FIG4: variants seen among roughly 807,000 people sequenced by gnomAD.
The protein encoded by FIG4 is polyphosphoinositide phosphatase.
A neutral mutation model predicts 118.6 loss-of-function variants in FIG4; 112 were observed. The ratio of observed to expected loss-of-function variants is 0.94; its 90% CI spans 0.81 to 1.11. The LOEUF (loss-of-function observed/expected upper bound fraction) is 1.11, where lower values mean the gene tolerates loss of function less well. Among genes scored for constraint, FIG4 ranks in the 50% least tolerant of loss-of-function variants. FIG4 has a pLI of 0.00. For missense variants in FIG4, 969 were observed against 1,111.7 expected (o/e 0.87, Z 1.83); for synonymous variants, 369 against 381.2 (o/e 0.97, Z 0.37).
chr6:109,705,641 C>T (rs902744260), intron 1 of FIG4, among the ~76,000 whole-genome samples: 2 of 152,082 alleles, frequency 1.3e-5, no homozygotes, highest in Non-Finnish European at 2.9e-5. Context: ...GTATGTGTTT[C>T]GAAGTCCAAT....
At chr6:109,738,494 C>T (rs1463093471) in intron 7 of FIG4, 41 bp downstream of exon 7, 1 of 1,555,048 alleles carries the variant, frequency 6.4e-7, no homozygotes, top group Non-Finnish European at 8.9e-7. Flanking sequence ...TATTACTAAA[C>T]TTATGATGTA....
At chr6:109,745,870 T>C (rs544509524) in intron 10 of FIG4, among the ~76,000 whole-genome samples, 5 of 152,230 alleles carry the variant, frequency 3.3e-5, no homozygotes, top group Admixed American at 2.0e-4. Flanking sequence ...CAAGCTATCA[T>C]TGACTTTCTT....
intron 12 of FIG4, among the ~76,000 whole-genome samples, chr6:109,763,450 ATAAG>A (rs1378593030): frequency 6.6e-6 from 1 of 152,264 alleles, no homozygotes; most frequent in Non-Finnish European, 1.5e-5. Flanking sequence ...CATGGAGAAA[ATAAG>A]TAGTCTCTAA....
In FIG4 at chr6:109,792,613, G is replaced by A. The variant is rs1464723987; in HGVS notation, c.2408G>A (p.Gly803Glu). Residue 803 changes from glycine (G) to glutamate (E), a missense_variant, in exon 21 of 23, where the codon GGA becomes GAA. Physicochemically the swap from Gly to Glu is moderately conservative, Grantham distance 98 (BLOSUM62 -2). This residue lies in a region of FIG4 where 330 missense variants were observed against 348.1 expected (regional missense o/e 0.95). Coordinates refer to ENST00000230124, the MANE Select transcript of FIG4 (RefSeq NM_014845.6). ...GTCCAACCCATGAAGGAGCTATATG[G>A]AATTAACCTCTCAGATGGCCTCTCA... ...NVVQPMKELY[G>E]INLSDGLSEE... 3 of 1,604,954 alleles carry A rather than the reference G, an allele frequency of 1.9e-6. No individual in the cohort carries two copies. Among genetic ancestry groups the A allele is most frequent in the African/African-American group, 1.3e-5 (1 of 74,426 alleles).
chr6:109,754,408 G>A (rs1427684955), intron 10 of FIG4, among the ~76,000 whole-genome samples: 5 of 152,120 alleles, frequency 3.3e-5, no homozygotes, highest in Non-Finnish European at 7.4e-5. Context: ...TCTCTTTTTT[G>A]GTTGTGTCTC....
At chr6:109,771,126 A>G (rs1777445678) in intron 15 of FIG4, among the ~76,000 whole-genome samples, 1 of 152,230 alleles carries the variant, frequency 6.6e-6, no homozygotes, top group Non-Finnish European at 1.5e-5. Flanking sequence ...CAGAAATAAA[A>G]CAGTTGGAAA....
intron 22 of FIG4, among the ~76,000 whole-genome samples, chr6:109,808,350 C>CAAAAAAAAAAAAAAAAA (rs55948419): frequency 3.0e-5 from 2 of 67,046 alleles, no homozygotes; most frequent in South Asian, 7.4e-4. Context: ...ACACTCACAG[C>CAAAAAAAAAAAAAAAAA]AAAAAAAAAA....
chr6:109,749,447 G>A (rs1725142781), intron 10 of FIG4, among the ~76,000 whole-genome samples: 1 of 151,864 alleles, frequency 6.6e-6, no homozygotes, highest in African/African-American at 2.4e-5. Context: ...CTCATGGACA[G>A]TTTTCCAGTA....
At chr6:109,709,842 A>G (rs1484451684) in intron 1 of FIG4, among the ~76,000 whole-genome samples, 1 of 152,190 alleles carries the variant, frequency 6.6e-6, no homozygotes, top group Non-Finnish European at 1.5e-5. Context: ...GTTGTTTATC[A>G]GCTTAAGAAC....
At chr6:109,780,955 T>C (rs115400646) in intron 16 of FIG4, among the ~76,000 whole-genome samples, 42 of 152,374 alleles carry the variant, frequency 2.8e-4, no homozygotes, top group African/African-American at 1.0e-3. Flanking sequence ...AACTGGTGTT[T>C]AGAATGTCAC....
chr6:109,726,669 A>G (rs1775828787), intron 3 of FIG4, among the ~76,000 whole-genome samples: 1 of 152,192 alleles, frequency 6.6e-6, no homozygotes, highest in African/African-American at 2.4e-5. Flanking sequence ...CTTGATGAGA[A>G]TAGCATTGAA....
chr6:109,786,218 T>G, intron 17 of FIG4, 84 bp from the exon 18 acceptor site: 1 of 1,219,988 alleles, frequency 8.2e-7, no homozygotes, highest in Non-Finnish European at 1.2e-6. Context: ...ATCACAGTGC[T>G]GTCTGTGAAC....
chr6:109,717,848 A>G (rs780840692), intron 3 of FIG4, among the ~76,000 whole-genome samples: 1 of 152,246 alleles, frequency 6.6e-6, no homozygotes, highest in African/African-American at 2.4e-5. Flanking sequence ...CTCTGCTGCC[A>G]GCACCTTATT....
chr6:109,771,855 T>C (rs1777474862), intron 15 of FIG4, among the ~76,000 whole-genome samples: 1 of 152,212 alleles, frequency 6.6e-6, no homozygotes, highest in South Asian at 2.1e-4. Flanking sequence ...CTTGTTGCTG[T>C]ACATCATCAG....
chr6:109,710,192 A>G (rs1053627492), intron 1 of FIG4, among the ~76,000 whole-genome samples: 2 of 151,076 alleles, frequency 1.3e-5, no homozygotes, highest in Admixed American at 6.6e-5. Flanking sequence ...TATTGAAAGC[A>G]TCTGGGTCTA....
In FIG4 at chr6:109,809,666, G is replaced by T. The variant is rs138840105; in HGVS notation, c.2546+12815G>T. 1.4e-3 allele frequency among the ~76,000 whole-genome samples: 207 copies of T among 152,278 alleles called. 1 individual carries two copies. The highest frequency in any genetic ancestry group is 6.8e-3 in the Middle Eastern group (2 of 294). On this transcript the variant is annotated intron_variant, in intron 22 of 22. Coordinates refer to ENST00000230124, the MANE Select transcript of FIG4 (RefSeq NM_014845.6). The stretch of plus-strand genomic sequence containing the variant: ...TGCCAGCAGGATGATATCTGTGACT[G>T]GTTGAAGAAATCTTATTTTCTATGA...
At position 109,732,662 on chromosome 6, in the gene FIG4, G is replaced by A; in HGVS notation, c.472G>A (p.Asp158Asn). The A allele has an allele frequency of 6.6e-7, 1 of 1,524,788 alleles. No homozygotes were observed. Among genetic ancestry groups the A allele is most frequent in the Non-Finnish European group, 9.0e-7 (1 of 1,107,500 alleles). The allele number at this position is 1,524,788 out of a possible 1,614,324, so 94.5% of individuals were successfully genotyped here. ...GTATCTACGAATATTTCAAAATGTG[G>A]ACCTATCTAGCAATTTTTACTTTAG... ...ARYLRIFQNVDLSSNFYFSYS... is the reference protein window; with the variant it reads ...ARYLRIFQNVNLSSNFYFSYS... Residue 158 changes from aspartate (D) to asparagine (N), a missense_variant, in exon 5 of 23, where the codon GAC (aspartate) becomes AAC (asparagine). By Grantham distance (23) the Asp-to-Asn change is conservative. This residue lies in a region of FIG4 where 393 missense variants were observed against 409.4 expected (regional missense o/e 0.96). Transcript: ENST00000230124.
At position 109,791,423 on chromosome 6, in the gene FIG4, C is replaced by A; in HGVS notation, c.2228C>A (p.Ala743Asp). Reference protein sequence around the residue: ...EEAVLQRKTAASAPPPPSEEA... With the variant: ...EEAVLQRKTADSAPPPPSEEA... ...GCTGTATTACAGCGGAAAACGGCAG[C>A]CAGCGCCCCGCCGCCCCCCAGCGAG... The change falls in exon 20 of 23, where the codon GCC (alanine) becomes GAC (aspartate). Residue 743 changes from alanine (A) to aspartate (D), a missense_variant. By Grantham distance (126) the Ala-to-Asp change is moderately radical (BLOSUM62 -2). Transcript: ENST00000230124. 1 of 1,613,554 alleles carries A rather than the reference C, an allele frequency of 6.2e-7. No individual in the cohort carries two copies.
chr6:109,785,005 A>AT lies in FIG4; in HGVS notation c.1928dup (p.Leu643PhefsTer6). On this transcript the variant is annotated frameshift_variant, in exon 17 of 23. Transcript: ENST00000230124. LOFTEE classifies it high-confidence loss of function. ...TGGTGGACACCAGAGGTGATAAAGC[A>AT]TTTACCATTGCCCTATGATGAAGGT... 1 of 1,573,788 alleles carries AT rather than the reference A, an allele frequency of 6.4e-7. No individual in the cohort carries two copies. Among genetic ancestry groups the AT allele is most frequent in the Non-Finnish European group, 8.7e-7 (1 of 1,143,204 alleles).
Sources: gnomAD v4.1 joint callset for allele counts (sites outside exome capture counted in the v4.1 genomes callset) on GRCh38, gnomAD v4.1.1 for gene constraint, gnomAD v4.1.1 regional missense constraint, MANE v1.5 for transcripts, NCBI Gene and HGNC (gene_info 2026-07-23, HGNC 2026-07-21) for gene names.